MCF2: variants seen among roughly 807,000 people sequenced by gnomAD.
The protein encoded by MCF2 is proto-oncogene DBL.
In MCF2, 44 loss-of-function variants were observed where a neutral mutation model predicts 82.5. That is an observed-to-expected ratio of 0.53 (90% CI 0.42 to 0.69). The LOEUF (loss-of-function observed/expected upper bound fraction) is 0.69. MCF2 is among the 30% of genes least tolerant of loss of function. MCF2 has a pLI of 0.00. For synonymous variants in MCF2, 217 were observed against 224.9 expected (o/e 0.96, Z 0.32); for missense variants, 623 against 663.1 (o/e 0.94, Z 0.66).
At chrX:139,686,412 C>T (rs1935125282) in intron 1 of MCF2, among the ~76,000 whole-genome samples, 1 of 110,872 alleles carries the variant, frequency 9.0e-6, no homozygotes, top group African/African-American at 3.3e-5. Flanking sequence ...ATCCCAGCTA[C>T]TTGGGAGGCT....
upstream of MCF2, among the ~76,000 whole-genome samples, chrX:139,644,983 T>C (rs1050553548): frequency 2.7e-5 from 3 of 111,057 alleles, no homozygotes; most frequent in African/African-American, 9.8e-5. Context: ...ATCTTGGTCA[T>C]GGGCAGAATT....
At chrX:139,696,318 TTTCC>T (rs1158588735) in intron 1 of MCF2, among the ~76,000 whole-genome samples, 4 of 95,241 alleles carry the variant, frequency 4.2e-5, no homozygotes, top group African/African-American at 1.5e-4. Flanking sequence ...CTTTTCTTTC[TTTCC>T]TTCCTTCCTT....
chrX:139,589,053 T>C lies in MCF2; in HGVS notation c.2371-615A>G, dbSNP rs185594758. Among the ~76,000 whole-genome samples, 168 of 111,820 alleles carry C rather than the reference T, an allele frequency of 1.5e-3. 1 individual carries two copies. Among genetic ancestry groups the C allele is most frequent in the African/African-American group, 5.1e-3 (156 of 30,808 alleles). On this transcript the variant is annotated intron_variant, in intron 20 of 24. Coordinates refer to ENST00000370576, the Ensembl canonical transcript of MCF2. ...GAGGATTCTTTTTAAAATATAACAT[T>C]TTGATGTTTAATTTTAGTAAAATAA...
At position 139,639,287 on chromosome X, in the gene MCF2, A is replaced by G. The variant is rs754275464; in HGVS notation, c.51+3181T>C. ...GCAAAGGTTAGTCTTGTTTTATTTC[A>G]ATGTGTTTTTGCTTTTTTAAAAAAA... On this transcript the variant is annotated intron_variant, in intron 1 of 24. Coordinates refer to ENST00000370576, the Ensembl canonical transcript of MCF2. 3.7e-3 allele frequency among the ~76,000 whole-genome samples: 419 copies of G among 111,983 alleles called. 1 individual carries two copies. The highest frequency in any genetic ancestry group is 0.012 in the African/African-American group (383 of 30,778).
chrX:139,631,027 G>C (rs1932903614), intron 3 of MCF2, among the ~76,000 whole-genome samples: 1 of 111,964 alleles, frequency 8.9e-6, no homozygotes, highest in Non-Finnish European at 1.9e-5. Flanking sequence ...AAGACTCAGA[G>C]AGGTTATGTA....
chrX:139,694,099 A>G (rs1049154411), intron 1 of MCF2, among the ~76,000 whole-genome samples: 6 of 112,043 alleles, frequency 5.4e-5, no homozygotes, highest in African/African-American at 1.9e-4. Flanking sequence ...TTTTTGCCCA[A>G]TAAGTAATTA....
intron 1 of MCF2, among the ~76,000 whole-genome samples, chrX:139,703,514 T>C (rs760511004): frequency 8.9e-6 from 1 of 111,747 alleles, no homozygotes; most frequent in African/African-American, 3.3e-5. Context: ...AGGAGGGGTG[T>C]CACCTGAGGT....
intron 6 of MCF2, among the ~76,000 whole-genome samples, chrX:139,624,135 C>T (rs747138612): frequency 8.1e-5 from 9 of 111,271 alleles, no homozygotes; most frequent in African/African-American, 2.6e-4. Context: ...GATATGATTC[C>T]TTAAGAAGGA....
chrX:139,673,100 C>T (rs764617220), intron 1 of MCF2, among the ~76,000 whole-genome samples: 212 of 111,889 alleles, frequency 1.9e-3, no homozygotes, highest in African/African-American at 6.7e-3. Context: ...AGTTTATTTG[C>T]GTAGAGGTGC....
intron 1 of MCF2, among the ~76,000 whole-genome samples, chrX:139,641,578 C>CTG (rs770352626): frequency 1.2e-3 from 129 of 110,373 alleles, no homozygotes; most frequent in African/African-American, 4.1e-3. Context: ...ACCTTCTTAT[C>CTG]TGTGTGTGTG....
At chrX:139,587,882 C>T (rs142463749) in intron 21 of MCF2, 94 bp from the exon 26 acceptor site, 8,533 of 505,367 alleles carry the variant, frequency 0.017, 69 homozygotes, top group Middle Eastern at 0.027. Flanking sequence ...CACACACACA[C>T]ACACACACAC....
chrX:139,627,966 A>G lies in MCF2; in HGVS notation c.439-1210T>C, dbSNP rs151007010. Among the ~76,000 whole-genome samples the G allele has an allele frequency of 9.0e-3, 1,006 of 112,046 alleles. 4 individuals carry two copies. The highest frequency in any genetic ancestry group is 0.015 in the Non-Finnish European group (821 of 53,155). Reference sequence around the variant, plus strand: ...AGTCATAATGACTATTATTAAAAAGACAAAAAATAACAGATGCTGGAGAGG... The same window carrying G: ...AGTCATAATGACTATTATTAAAAAGGCAAAAAATAACAGATGCTGGAGAGG... On this transcript the variant is annotated intron_variant, in intron 4 of 24. Transcript: ENST00000370576.
intron 1 of MCF2, among the ~76,000 whole-genome samples, chrX:139,707,094 A>G (rs933021198): frequency 1.8e-5 from 2 of 110,486 alleles, no homozygotes; most frequent in Non-Finnish European, 3.8e-5. Flanking sequence ...GCTCAGATGA[A>G]AAAAGAAGGA....
chrX:139,686,025 T>C (rs1340476583), intron 1 of MCF2, among the ~76,000 whole-genome samples: 1 of 105,433 alleles, frequency 9.5e-6, no homozygotes, highest in African/African-American at 3.5e-5. Context: ...ATTATCTCAA[T>C]AGATGCAGAA....
At chrX:139,688,307 C>T in intron 1 of MCF2, among the ~76,000 whole-genome samples, 1 of 111,132 alleles carries the variant, frequency 9.0e-6, no homozygotes, top group Non-Finnish European at 1.9e-5. Flanking sequence ...GTTCAGGGGT[C>T]AGGAAGGTAA....
chrX:139,584,858 CA>C (rs1928809258), intron 24 of MCF2, among the ~76,000 whole-genome samples: 1 of 111,504 alleles, frequency 9.0e-6, no homozygotes, highest in African/African-American at 3.3e-5. Flanking sequence ...TCAACATCAG[CA>C]GAAGCTCTAT....
At chrX:139,594,347 A>G (rs1283759889) in intron 19 of MCF2, among the ~76,000 whole-genome samples, 1 of 111,783 alleles carries the variant, frequency 8.9e-6, no homozygotes, top group African/African-American at 3.3e-5. Flanking sequence ...TACACTAACC[A>G]AAACAGCATG....
intron 19 of MCF2, among the ~76,000 whole-genome samples, chrX:139,590,925 G>A (rs1242226630): frequency 1.8e-5 from 2 of 110,940 alleles, no homozygotes; most frequent in African/African-American, 3.3e-5. Context: ...CACCCTGAAC[G>A]TAGTAAGAAG....
intron 10 of MCF2, 77 bp from the exon 15 acceptor site, chrX:139,610,415 A>C: frequency 1.8e-6 from 1 of 562,756 alleles, no homozygotes; most frequent in Non-Finnish European, 2.8e-6. Flanking sequence ...ATATATATTT[A>C]TTAAATAACT....
Sources: gnomAD v4.1 joint callset for allele counts (sites outside exome capture counted in the v4.1 genomes callset) on GRCh38, gnomAD v4.1.1 for gene constraint, MANE v1.5 for transcripts, NCBI Gene and HGNC (gene_info 2026-07-23, HGNC 2026-07-21) for gene names.